LDAH: variants seen among roughly 807,000 people sequenced by gnomAD.
LDAH encodes the protein lipid droplet-associated hydrolase.
In LDAH, 26 loss-of-function variants were observed where a neutral mutation model predicts 29.6. The observed-to-expected ratio is 0.88, with a 90% confidence interval of 0.64 to 1.22. The LOEUF is 1.22. Ranked by LOEUF, LDAH falls within the 50% of genes most tolerant of loss-of-function variation. LDAH has a pLI of 0.00. For missense variants in LDAH, 344 were observed against 387.3 expected (o/e 0.89, Z 0.94); for synonymous variants, 117 against 133.0 (o/e 0.88, Z 0.83).
At chr2:20,782,446 G>T (rs1228179184) in intron 3 of LDAH, among the ~76,000 whole-genome samples, 1 of 152,142 alleles carries the variant, frequency 6.6e-6, no homozygotes, top group Non-Finnish European at 1.5e-5. Flanking sequence ...ATTCTATTGA[G>T]AATTTTTGCA....
chr2:20,808,692 T>C (rs1302279129), intron 1 of LDAH, among the ~76,000 whole-genome samples: 1 of 150,308 alleles, frequency 6.7e-6, no homozygotes, highest in East Asian at 1.9e-4. Flanking sequence ...CAAGACAAGT[T>C]TGAAGAACAA....
rs546286820 is a variant in LDAH, at chr2:20,822,553, C to T, written c.-3+484G>A. Among the ~76,000 whole-genome samples the T allele has an allele frequency of 4.6e-5, 7 of 152,312 alleles. No individual in the cohort carries two copies. The South Asian group carries it at 1.4e-3, about 32-fold the overall frequency. ...GGAATAAAGTGTTCCAATCTGCATT[C>T]TGTCTTGCGTGGGGAACAAAACCAA... On this transcript the variant is annotated intron_variant, in intron 1 of 6. Transcript: ENST00000237822.
At chr2:20,703,362 T>C (rs745551239) in intron 5 of LDAH, among the ~76,000 whole-genome samples, 2 of 152,188 alleles carry the variant, frequency 1.3e-5, no homozygotes, top group African/African-American at 4.8e-5. Context: ...ACACTTACGA[T>C]CATCTTGTCA....
chr2:20,740,360 C>T lies in LDAH; in HGVS notation c.469-155G>A, dbSNP rs150136239. ...GAACCACCACTCACCACCCTCTCAG[C>T]CTATAACTAGGCAAAATCACAGCTC... On this transcript the variant is annotated intron_variant, in intron 4 of 6. Transcript: ENST00000237822. Among the ~76,000 whole-genome samples the T allele has an allele frequency of 3.3e-3, 510 of 152,294 alleles. 1 individual carries two copies. Among genetic ancestry groups the T allele is most frequent in the African/African-American group, 0.011 (448 of 41,578 alleles).
At chr2:20,746,024 A>G (rs1412578425) in intron 4 of LDAH, among the ~76,000 whole-genome samples, 2 of 152,206 alleles carry the variant, frequency 1.3e-5, no homozygotes, top group African/African-American at 4.8e-5. Flanking sequence ...AGGCCATAGA[A>G]AGCTAAAGTG....
intron 1 of LDAH, among the ~76,000 whole-genome samples, chr2:20,812,067 A>C (rs557088560): frequency 7.2e-5 from 11 of 152,224 alleles, no homozygotes; most frequent in African/African-American, 2.4e-4. Flanking sequence ...ATATAGGGGG[A>C]AATGTAAAAG....
chr2:20,737,026 T>C (rs1666838907), intron 5 of LDAH, among the ~76,000 whole-genome samples: 1 of 152,216 alleles, frequency 6.6e-6, no homozygotes, highest in Non-Finnish European at 1.5e-5. Context: ...TATTTTTTCC[T>C]ACTCTATAAA....
chr2:20,748,339 T>A (rs1341674648), intron 4 of LDAH, among the ~76,000 whole-genome samples: 1 of 152,246 alleles, frequency 6.6e-6, no homozygotes, highest in African/African-American at 2.4e-5. Context: ...TCACGGTTGT[T>A]AATAATAAGG....
At chr2:20,718,712 C>T (rs1558408364) in intron 5 of LDAH, among the ~76,000 whole-genome samples, 1 of 152,138 alleles carries the variant, frequency 6.6e-6, no homozygotes, top group Non-Finnish European at 1.5e-5. Context: ...GCAGAACACA[C>T]ATTTTTCTCA....
intron 2 of LDAH, among the ~76,000 whole-genome samples, chr2:20,793,881 C>T (rs1039619262): frequency 6.6e-5 from 10 of 152,078 alleles, no homozygotes; most frequent in Non-Finnish European, 1.2e-4. Context: ...AAAATCTTCC[C>T]ACAAAGAAAA....
intron 4 of LDAH, among the ~76,000 whole-genome samples, chr2:20,773,664 A>G (rs939418947): frequency 1.3e-5 from 2 of 152,116 alleles, no homozygotes; most frequent in Non-Finnish European, 2.9e-5. Flanking sequence ...ATAATTTAAA[A>G]CCTCCATTTA....
chr2:20,762,932 T>C (rs1477412046), intron 4 of LDAH, among the ~76,000 whole-genome samples: 1 of 152,234 alleles, frequency 6.6e-6, no homozygotes, highest in East Asian at 1.9e-4. Context: ...TTTGCTGAAA[T>C]GCAGAGGTCT....
chr2:20,814,973 C>T, intron 1 of LDAH, among the ~76,000 whole-genome samples: 1 of 152,138 alleles, frequency 6.6e-6, no homozygotes, highest in East Asian at 1.9e-4. Flanking sequence ...AGAGATAACT[C>T]TGCAGAGGTT....
At chr2:20,801,617 T>C (rs1671669116) in intron 1 of LDAH, among the ~76,000 whole-genome samples, 152 bp from the exon 2 acceptor site, 1 of 152,208 alleles carries the variant, frequency 6.6e-6, no homozygotes, top group African/African-American at 2.4e-5. Flanking sequence ...TATTCAGTGA[T>C]GCTGGATTAT....
Position 20,789,028 on chromosome 2 carries a change from C to T in LDAH, c.298+1227G>A, listed in dbSNP as rs78553482. 2.1e-5 allele frequency: 25 copies of T among 1,197,256 alleles called. No homozygotes were observed. In the East Asian group the frequency reaches 5.7e-4, roughly 27 times the overall value. The allele number at this position is 1,197,256 out of a possible 1,614,324, so 74.2% of individuals were successfully genotyped here. On this transcript the variant is annotated intron_variant, in intron 3 of 6. Transcript: ENST00000237822. ...CTCTCAAAGTCCCTCTCAAACTGGC[C>T]CTGCTTAGCAGTAACATCGCTATTA...
At chr2:20,778,922 C>CATATAT (rs58528359) in intron 3 of LDAH, among the ~76,000 whole-genome samples, 26 of 147,990 alleles carry the variant, frequency 1.8e-4, no homozygotes, top group African/African-American at 3.5e-4. Flanking sequence ...AACTGCCATT[C>CATATAT]ATATATATAT....
rs1673448402 is a variant in LDAH at position 20,823,031 on chromosome 2, C to T, written c.-3+6G>A. 6.6e-6 allele frequency: 1 copy of T among 152,438 alleles called. No homozygotes were observed. Among genetic ancestry groups the T allele is most frequent in the South Asian group, 2.1e-4 (1 of 4,836 alleles). The allele number at this position is 152,438 out of a possible 1,614,324, so 9.4% of individuals were successfully genotyped here. A position where few individuals can be genotyped will look rare whatever the true frequency, so the allele number is the denominator to read the frequency against. ...GTCACCCTGAGCTCGGCAAGCTGTA[C>T]CTCACCTGTCCACCTGGAAGGCTGC... On this transcript the variant is annotated splice_donor_region_variant and intron_variant, in intron 1 of 6. Coordinates refer to ENST00000237822, the MANE Select transcript of LDAH (RefSeq NM_021925.4).
At chr2:20,689,963 C>T (rs1290260004) in intron 6 of LDAH, among the ~76,000 whole-genome samples, 3 of 152,220 alleles carry the variant, frequency 2.0e-5, no homozygotes, top group African/African-American at 4.8e-5. Context: ...TCATCTAATA[C>T]AGTTTCCTCA....
chr2:20,715,859 C>T (rs1179517327), intron 5 of LDAH, among the ~76,000 whole-genome samples: 2 of 151,164 alleles, frequency 1.3e-5, no homozygotes, highest in Non-Finnish European at 3.0e-5. Context: ...AACTACGAAC[C>T]ACTGCTCAAG....
Sources: allele counts gnomAD v4.1 joint callset (sites outside exome capture counted in the v4.1 genomes callset), GRCh38; gene constraint gnomAD v4.1.1; transcripts MANE v1.5; gene names NCBI Gene and HGNC (gene_info 2026-07-23, HGNC 2026-07-21).